Variants in FAM216A observed in about 807,000 individuals in gnomAD.
The protein encoded by FAM216A is family with sequence similarity 216 member A.
FAM216A carries 26 observed loss-of-function variants against 37.6 expected under a neutral mutation model. The observed-to-expected ratio is 0.69, with a 90% confidence interval of 0.51 to 0.96. FAM216A has a LOEUF of 0.96. Among genes scored for constraint, FAM216A ranks in the 40% least tolerant of loss-of-function variants. FAM216A has a pLI of 0.00. For missense variants in FAM216A, 326 were observed against 339.3 expected (o/e 0.96, Z 0.31); for synonymous variants, 110 against 121.7 (o/e 0.90, Z 0.64).
In FAM216A at chr12:110,489,795, C is replaced by G. The variant is rs1016517134; in HGVS notation, c.704-224C>G. Among the ~76,000 whole-genome samples, 4 of 152,212 alleles carry G rather than the reference C, an allele frequency of 2.6e-5. No homozygotes were observed. In the East Asian group the frequency reaches 7.7e-4, roughly 29 times the overall value. On this transcript the variant is annotated intron_variant, in intron 6 of 6. Transcript: ENST00000377673. ...TTTGAAAATCAATGGTAAAACAGGA[C>G]TTAGTAACAAGAGAATTTGCTGTAC...
At chr12:110,477,636 G>T (rs993526257) in intron 2 of FAM216A, among the ~76,000 whole-genome samples, 1 of 152,006 alleles carries the variant, frequency 6.6e-6, no homozygotes, top group Non-Finnish European at 1.5e-5. Flanking sequence ...GATTACAGGC[G>T]TGAGTCAACG....
intron 1 of FAM216A, among the ~76,000 whole-genome samples, chr12:110,471,463 G>A (rs2062686749): frequency 6.6e-6 from 1 of 152,094 alleles, no homozygotes; most frequent in African/African-American, 2.4e-5. Flanking sequence ...TGTATAATAT[G>A]ATGGGTTTTG....
At position 110,486,706 on chromosome 12, in the gene FAM216A, A is replaced by G. The variant is rs1309007390; in HGVS notation, c.609A>G (p.Arg203=). 1 of 1,613,180 alleles carries G rather than the reference A, an allele frequency of 6.2e-7. No individual in the cohort carries two copies. The highest frequency in any genetic ancestry group is 8.5e-7 in the Non-Finnish European group (1 of 1,179,716). The part of the protein sequence containing the change: ...LIQHSLWRPV[R]NKEGIKTGYA... ...AGCATTCCCTTTGGCGGCCAGTGAG[A>G]AACAAAGAAGGGTCTGTTTCTTAGT... The change falls in exon 5 of 7, where the codon AGA becomes AGG. Residue 203 remains arginine (R), a synonymous_variant. Transcript: ENST00000377673.
intron 2 of FAM216A, among the ~76,000 whole-genome samples, chr12:110,475,390 C>T (rs907327548): frequency 7.2e-5 from 11 of 151,934 alleles, no homozygotes; most frequent in Admixed American, 3.9e-4. Flanking sequence ...TACAGGCACA[C>T]GCCACCATGC....
chr12:110,472,321 T>C (rs1459818632), intron 1 of FAM216A, among the ~76,000 whole-genome samples: 2 of 151,924 alleles, frequency 1.3e-5, no homozygotes, highest in African/African-American at 4.8e-5. Flanking sequence ...ATCACATGGA[T>C]AGCCCAGGAG....
rs755639393 is a variant in FAM216A at position 110,486,569 on chromosome 12, C to A, written c.472C>A (p.Arg158Ser). The change falls in exon 5 of 7, where the codon CGT becomes AGT. Residue 158 changes from arginine (R) to serine (S), a missense_variant. By Grantham distance (110) the Arg-to-Ser change is moderately radical. Transcript: ENST00000377673. ...TCATCACAGAAGCCGCCTTAGCTCC[C>A]GTTACTCACAGAAACAGCATTACCC... ...LTHHRSRLSS[R>S]YSQKQHYPCT... 3 of 1,613,978 alleles carry A rather than the reference C, an allele frequency of 1.9e-6. No homozygotes were observed. In the Admixed American group the frequency reaches 5.0e-5, roughly 27 times the overall value.
Position 110,490,142 on chromosome 12 carries a change from C to A in FAM216A, c.*5C>A. On this transcript the variant is annotated 3_prime_UTR_variant, in exon 7 of 7. Transcript: ENST00000377673. ...GAACATCTGATGTTAACTTGACAGTCTTGTCTCGTGTATTGAATTCGTGCC... is the reference window on the plus strand; with the variant it reads ...GAACATCTGATGTTAACTTGACAGTATTGTCTCGTGTATTGAATTCGTGCC... 3 of 1,385,626 alleles carry A rather than the reference C, an allele frequency of 2.2e-6. No individual in the cohort carries two copies. The highest frequency in any genetic ancestry group is 1.2e-5 in the South Asian group (1 of 86,458). 85.8% of individuals were successfully genotyped at this position (1,385,626 alleles called of 1,614,324 possible). A position where few individuals can be genotyped will look rare whatever the true frequency, so the allele number is the denominator to read the frequency against.
At chr12:110,488,721 A>C (rs893445813) in intron 6 of FAM216A, among the ~76,000 whole-genome samples, 3 of 152,214 alleles carry the variant, frequency 2.0e-5, no homozygotes, top group Middle Eastern at 3.2e-3. Flanking sequence ...GGATGGCTGA[A>C]ATCTTGGATA....
At chr12:110,469,103 G>A (rs2135536212) in intron 1 of FAM216A, 85 bp downstream of exon 1, 1 of 1,325,558 alleles carries the variant, frequency 7.5e-7, no homozygotes, top group South Asian at 1.9e-5. Context: ...CGTGGAGGAG[G>A]GCTGCGGCCG....
Position 110,486,462 on chromosome 12 carries a change from C to CCAGACA in FAM216A, c.436+8_436+9insCAGACA. 1 of 1,609,518 alleles carries CCAGACA rather than the reference C, an allele frequency of 6.2e-7. No homozygotes were observed. Among genetic ancestry groups the CCAGACA allele is most frequent in the Non-Finnish European group, 8.5e-7 (1 of 1,176,636 alleles). ...ACAGCTCACAAAAGCCAGGCAGGTG[C>CCAGACA]ACCTCCAGTTGTCTTTTCACTAGTT... On this transcript the variant is annotated intron_variant, in intron 4 of 6. Transcript: ENST00000377673.
Position 110,468,968 on chromosome 12 carries a change from C to G in FAM216A, c.93C>G (p.Ser31Arg). ...QGPGSDWTER[S>R]SSAEPPAVAG... The stretch of plus-strand genomic sequence containing the variant: ...CGGGGTCCGACTGGACGGAGCGTAG[C>G]TCTTCTGCAGAGCCGCCCGCTGTGG... Residue 31 changes from serine to arginine, a missense_variant, in exon 1 of 7, where the codon AGC becomes AGG. By Grantham distance (110) the Ser-to-Arg change is moderately radical (BLOSUM62 -1). Coordinates refer to ENST00000377673, the MANE Select transcript of FAM216A (RefSeq NM_013300.3). The G allele has an allele frequency of 1.3e-6, 2 of 1,520,132 alleles. No individual in the cohort carries two copies. The highest frequency in any genetic ancestry group is 2.4e-5 in the South Asian group (2 of 83,170). 94.2% of individuals were successfully genotyped at this position (1,520,132 alleles called of 1,614,324 possible).
chr12:110,488,770 A>G (rs543537641), intron 6 of FAM216A, among the ~76,000 whole-genome samples: 3 of 152,228 alleles, frequency 2.0e-5, no homozygotes, highest in Non-Finnish European at 4.4e-5. Flanking sequence ...TAAAAAACAC[A>G]TATCTATGAT....
At chr12:110,486,502 GA>G (rs760201940) in intron 4 of FAM216A, 31 bp from the exon 5 acceptor site, 4 of 1,608,224 alleles carry the variant, frequency 2.5e-6, no homozygotes, top group African/African-American at 2.7e-5. Flanking sequence ...CAATTAGTGA[GA>G]GGGTCTTTTA....
intron 6 of FAM216A, among the ~76,000 whole-genome samples, chr12:110,489,472 C>G (rs2135558843): frequency 6.8e-6 from 1 of 147,182 alleles, no homozygotes; most frequent in Middle Eastern, 3.5e-3. Context: ...CCACTGCACT[C>G]TAGTCTCCAA....
Position 110,485,126 on chromosome 12 carries a change from A to C in FAM216A, c.233A>C (p.Gln78Pro). ...YKVNSHIAKL[Q>P]ELWKTPQNQT... is the part of the protein sequence containing the mutation. Reference sequence around the variant, plus strand: ...GTGAACTCACACATAGCTAAGCTGCAAGAGTTATGGAAAACTCCCCAAAAT... The same window carrying C: ...GTGAACTCACACATAGCTAAGCTGCCAGAGTTATGGAAAACTCCCCAAAAT... The change falls in exon 3 of 7, where the codon CAA (glutamine) becomes CCA (proline). Residue 78 changes from glutamine to proline, a missense_variant. Transcript: ENST00000377673. The C allele has an allele frequency of 6.2e-7, 1 of 1,612,886 alleles. No homozygotes were observed. Among genetic ancestry groups the C allele is most frequent in the Non-Finnish European group, 8.5e-7 (1 of 1,179,492 alleles).
rs559671795 is a variant in FAM216A, at chr12:110,489,421, G to A, written c.704-598G>A. On this transcript the variant is annotated intron_variant, in intron 6 of 6. Transcript: ENST00000377673. ...CGGGAGGCTGAGGCAGGAGAATGGC[G>A]TGAACCTGGGAGGCGGAGCTTACAG... Among the ~76,000 whole-genome samples, 210 of 151,540 alleles carry A rather than the reference G, an allele frequency of 1.4e-3. 1 individual carries two copies. Among genetic ancestry groups the A allele is most frequent in the African/African-American group, 4.8e-3 (196 of 41,234 alleles).
At chr12:110,486,228 G>T in intron 3 of FAM216A, 97 bp from the exon 4 acceptor site, 1 of 1,289,806 alleles carries the variant, frequency 7.8e-7, no homozygotes, top group South Asian at 1.8e-5. Context: ...AAATACAGTT[G>T]GCACAACTCT....
intron 2 of FAM216A, among the ~76,000 whole-genome samples, chr12:110,480,087 T>C (rs1395745125): frequency 6.6e-6 from 1 of 150,812 alleles, no homozygotes; most frequent in Non-Finnish European, 1.5e-5. Flanking sequence ...GTGCAATGGC[T>C]CGATCTCGGC....
chr12:110,469,034 C>T lies in FAM216A; in HGVS notation c.143+16C>T, dbSNP rs928786918. The T allele has an allele frequency of 1.4e-6, 2 of 1,452,370 alleles. No individual in the cohort carries two copies. The highest frequency in any genetic ancestry group is 1.8e-6 in the Non-Finnish European group (2 of 1,104,002). 90.0% of individuals were successfully genotyped at this position (1,452,370 alleles called of 1,614,324 possible). On this transcript the variant is annotated intron_variant, in intron 1 of 6. Coordinates refer to ENST00000377673, the MANE Select transcript of FAM216A (RefSeq NM_013300.3). ...GCGGCGGCGGGTGAGGTTGGGGGCC[C>T]CGGGGTAAGGGTGGCAGCATGGGGC...
Sources: allele counts gnomAD v4.1 joint callset (sites outside exome capture counted in the v4.1 genomes callset), GRCh38; gene constraint gnomAD v4.1.1; transcripts MANE v1.5; gene names NCBI Gene and HGNC (gene_info 2026-07-23, HGNC 2026-07-21).